The following ZPBP variants were observed in gnomAD, a reference collection of about 807,000 sequenced individuals.
ZPBP encodes zona pellucida binding protein.
Under a neutral mutation model 44.8 loss-of-function variants are expected in ZPBP, and 26 were observed. The ratio of observed to expected loss-of-function variants is 0.58; its 90% CI spans 0.43 to 0.81. The LOEUF is 0.81. Among genes scored for constraint, ZPBP ranks in the 30% least tolerant of loss-of-function variants. The probability of loss-of-function intolerance (pLI) is 0.00; values close to 1 mark genes in which losing one functional copy is unlikely to be tolerated. For missense variants in ZPBP, 409 were observed against 434.0 expected (o/e 0.94, Z 0.51); for synonymous variants, 174 against 153.2 (o/e 1.14, Z -1.00).
chr7:50,033,820 G>A (rs1799709993), intron 4 of ZPBP, among the ~76,000 whole-genome samples: 1 of 152,036 alleles, frequency 6.6e-6, no homozygotes, highest in Admixed American at 6.5e-5. Flanking sequence ...AGCCTCCCAA[G>A]TAGCTGGGAT....
downstream of ZPBP, among the ~76,000 whole-genome samples, chr7:49,934,823 T>C (rs1794568235): frequency 6.6e-6 from 1 of 152,130 alleles, no homozygotes; most frequent in Non-Finnish European, 1.5e-5. Flanking sequence ...TAAACACATC[T>C]TACATATTTA....
chr7:49,846,182 C>T (rs1173925769), downstream of ZPBP, among the ~76,000 whole-genome samples: 2 of 152,166 alleles, frequency 1.3e-5, no homozygotes, highest in African/African-American at 4.8e-5. Context: ...TGAATCCACC[C>T]CATTTCCAAT....
chr7:49,931,556 C>T (rs576320081), intron 1 of ZPBP, among the ~76,000 whole-genome samples: 4 of 152,254 alleles, frequency 2.6e-5, no homozygotes, highest in South Asian at 4.1e-4. Flanking sequence ...AGATGATTTA[C>T]GGTACCCAGT....
At chr7:50,071,603 G>A (rs950829840) in intron 3 of ZPBP, among the ~76,000 whole-genome samples, 4 of 152,066 alleles carry the variant, frequency 2.6e-5, no homozygotes, top group African/African-American at 9.7e-5. Flanking sequence ...AGCTCCAAAA[G>A]GCACCCCTTC....
intron 7 of ZPBP, among the ~76,000 whole-genome samples, chr7:49,959,215 T>C (rs1402285100): frequency 1.3e-5 from 2 of 151,820 alleles, no homozygotes; most frequent in African/African-American, 4.8e-5. Flanking sequence ...TCTTTTGACA[T>C]TTTTATTTAA....
At chr7:49,865,180 A>G (rs1476057083) in intron 2 of ZPBP, among the ~76,000 whole-genome samples, 5 of 152,206 alleles carry the variant, frequency 3.3e-5, no homozygotes, top group Non-Finnish European at 5.9e-5. Context: ...AAGAGGAGGA[A>G]GAGAATGTGC....
intron 2 of ZPBP, among the ~76,000 whole-genome samples, chr7:49,899,249 G>A (rs1196283979): frequency 6.6e-6 from 1 of 151,988 alleles, no homozygotes; most frequent in African/African-American, 2.4e-5. Context: ...CCAAGAATAT[G>A]CTAGACAAGG....
At chr7:50,034,283 T>A (rs1799732698) in intron 4 of ZPBP, among the ~76,000 whole-genome samples, 1 of 151,956 alleles carries the variant, frequency 6.6e-6, no homozygotes, top group Admixed American at 6.6e-5. Flanking sequence ...TTTCTCCCAC[T>A]CACTCATCTG....
At chr7:50,005,823 A>ATGTGTGTGTGTGTGTGTG (rs71018444) in intron 6 of ZPBP, among the ~76,000 whole-genome samples, 5 of 144,814 alleles carry the variant, frequency 3.5e-5, no homozygotes, top group African/African-American at 7.9e-5. Context: ...ATAACTATAT[A>ATGTGTGTGTGTGTGTGTG]TGTGTGTGTG....
chr7:49,877,796 T>C (rs1448854356), intron 2 of ZPBP, among the ~76,000 whole-genome samples: 1 of 151,680 alleles, frequency 6.6e-6, no homozygotes, highest in Non-Finnish European at 1.5e-5. Context: ...GTCATTATTA[T>C]TATTTGAAAT....
chr7:50,055,154 T>C (rs1800873983), intron 4 of ZPBP, among the ~76,000 whole-genome samples: 1 of 152,118 alleles, frequency 6.6e-6, no homozygotes, highest in Non-Finnish European at 1.5e-5. Flanking sequence ...AATGTTAGTA[T>C]GGTGGGGGGT....
At chr7:49,864,314 G>A (rs1337907367) in intron 2 of ZPBP, among the ~76,000 whole-genome samples, 2 of 152,174 alleles carry the variant, frequency 1.3e-5, no homozygotes, top group East Asian at 1.9e-4. Context: ...CTGCAGAATT[G>A]TTCTGTGCTT....
intron 2 of ZPBP, among the ~76,000 whole-genome samples, chr7:49,869,097 TC>T (rs752038857): frequency 1.2e-4 from 18 of 152,222 alleles, no homozygotes; most frequent in Middle Eastern, 3.4e-3. Context: ...CATTTACACT[TC>T]CTTTTTTTTT....
intron 7 of ZPBP, among the ~76,000 whole-genome samples, chr7:49,982,181 TTTA>T (rs1240642295): frequency 1.2e-5 from 1 of 85,424 alleles, no homozygotes; most frequent in African/African-American, 4.9e-5. Flanking sequence ...ATATATATAA[TTTA>T]TTATTATATA....
At chr7:49,936,271 A>G (rs557022484), downstream of ZPBP, 1 of 152,338 alleles carries the variant, frequency 6.6e-6, no homozygotes, top group East Asian at 1.9e-4. Flanking sequence ...GTATAAAAAC[A>G]ATTACATCAT....
intron 6 of ZPBP, among the ~76,000 whole-genome samples, chr7:49,983,741 C>T (rs1797130916): frequency 6.6e-6 from 1 of 151,882 alleles, no homozygotes; most frequent in South Asian, 2.1e-4. Flanking sequence ...GCAAAGAAAT[C>T]ATTTGAAGAT....
chr7:50,061,326 G>C (rs961934027), intron 3 of ZPBP, among the ~76,000 whole-genome samples: 1 of 152,122 alleles, frequency 6.6e-6, no homozygotes, highest in African/African-American at 2.4e-5. Flanking sequence ...TCAGGCAAGA[G>C]AAAGAAATAA....
Position 49,996,080 on chromosome 7 carries a change from T to C in ZPBP, c.784-12561A>G, listed in dbSNP as rs548746906. Among the ~76,000 whole-genome samples the C allele has an allele frequency of 4.6e-5, 7 of 152,316 alleles. No individual in the cohort carries two copies. In the South Asian group the frequency reaches 8.3e-4, roughly 18 times the overall value. On this transcript the variant is annotated intron_variant, in intron 6 of 7. Coordinates refer to ENST00000046087, the MANE Select transcript of ZPBP (RefSeq NM_007009.3). ...AGATATTGTAAATGTCCTGACTTGA[T>C]CATTATGCATTCTATACATTTAACA...
At chr7:49,988,573 G>A (rs1174048768) in intron 6 of ZPBP, among the ~76,000 whole-genome samples, 2 of 152,106 alleles carry the variant, frequency 1.3e-5, no homozygotes, top group Non-Finnish European at 2.9e-5. Context: ...ATAAACCACA[G>A]AGATAACCAA....
Sources: gnomAD v4.1 joint callset for allele counts (sites outside exome capture counted in the v4.1 genomes callset) on GRCh38, gnomAD v4.1.1 for gene constraint, MANE v1.5 for transcripts, NCBI Gene and HGNC (gene_info 2026-07-23, HGNC 2026-07-21) for gene names.